GALNT13: variants seen among roughly 807,000 people sequenced by gnomAD.
The protein encoded by GALNT13 is UDP-GalNAc:polypeptide N-acetylgalactosaminyltransferase 13.
A neutral mutation model predicts 64.2 loss-of-function variants in GALNT13; 28 were observed. That is an observed-to-expected ratio of 0.44 (90% CI 0.32 to 0.60). GALNT13 has a LOEUF of 0.60. GALNT13 is among the 20% of genes least tolerant of loss of function. The probability of loss-of-function intolerance (pLI) is 0.05; values close to 1 mark genes in which losing one functional copy is unlikely to be tolerated. For synonymous variants in GALNT13, 214 were observed against 224.6 expected (o/e 0.95, Z 0.42); for missense variants, 577 against 669.8 (o/e 0.86, Z 1.53).
At chr2:153,572,635 T>A in the GALNT13 span, among the ~76,000 whole-genome samples, 68 of 152,112 alleles carry the variant, frequency 4.5e-4, no homozygotes, top group Non-Finnish European at 8.8e-5. Flanking sequence ...TTTTGGTATG[T>A]TGTGTGTCTA....
rs541843762 is a variant in GALNT13, at chr2:154,088,598, C to T, written c.143-51739C>T. Among the ~76,000 whole-genome samples the T allele has an allele frequency of 2.6e-5, 4 of 152,160 alleles. No individual in the cohort carries two copies. In the South Asian group the frequency reaches 8.3e-4, roughly 32 times the overall value. On this transcript the variant is annotated intron_variant, in intron 3 of 12. Transcript: ENST00000392825. ...TCCCAAGTAGTTGGGATTACAGGTG[C>T]CTGCCACCACACCCAGTTTATTTTT... is the stretch of plus-strand genomic sequence containing the variant.
At chr2:153,338,304 G>GA in the GALNT13 span, among the ~76,000 whole-genome samples, 1 of 150,488 alleles carries the variant, frequency 6.6e-6, no homozygotes, top group Non-Finnish European at 1.5e-5. Context: ...AAACATATAT[G>GA]AAAAAACAAA....
At chr2:153,506,758 G>A in the GALNT13 span, among the ~76,000 whole-genome samples, 9 of 151,828 alleles carry the variant, frequency 5.9e-5, no homozygotes, top group African/African-American at 1.7e-4. Context: ...CCTTTTGCCT[G>A]ACAGCTCTTA....
chr2:154,206,847 A>T (rs1211908792), intron 4 of GALNT13, among the ~76,000 whole-genome samples: 1 of 151,970 alleles, frequency 6.6e-6, no homozygotes, highest in Non-Finnish European at 1.5e-5. Flanking sequence ...GAATAAGTCT[A>T]AGGTCAAGAA....
rs1215658000 is a variant in GALNT13, at chr2:153,987,756, A to T, written c.142+43117A>T. 5.3e-5 allele frequency among the ~76,000 whole-genome samples: 8 copies of T among 151,940 alleles called. No homozygotes were observed. The East Asian group carries it at 1.6e-3, about 30-fold the overall frequency. ...TGGGCATGGCACTAGATAGGATGAT[A>T]ACTCACCCTGAGTTGGGAGATAATT... On this transcript the variant is annotated intron_variant, in intron 3 of 12. Transcript: ENST00000392825.
the GALNT13 span, among the ~76,000 whole-genome samples, chr2:153,575,391 A>G: frequency 1.1e-4 from 17 of 152,300 alleles, no homozygotes; most frequent in African/African-American, 3.8e-4. Flanking sequence ...ATGTTTGCTC[A>G]GGGCGTTGGA....
chr2:154,446,878 C>G, intron 12 of GALNT13: 10 of 1,066,454 alleles, frequency 9.4e-6, no homozygotes, highest in Non-Finnish European at 1.3e-5. Context: ...GACCTTTTCT[C>G]CATGGAGTTA....
At chr2:153,349,774 C>CGT in the GALNT13 span, among the ~76,000 whole-genome samples, 1 of 151,980 alleles carries the variant, frequency 6.6e-6, no homozygotes, top group African/African-American at 2.4e-5. Context: ...GGATGCAGGG[C>CGT]GTTTCTCTTT....
chr2:153,969,927 G>A (rs1251633121), intron 3 of GALNT13, among the ~76,000 whole-genome samples: 1 of 152,144 alleles, frequency 6.6e-6, no homozygotes, highest in Non-Finnish European at 1.5e-5. Context: ...ATTGCTGAAG[G>A]TGAGAGATTG....
the GALNT13 span, among the ~76,000 whole-genome samples, chr2:153,534,512 CTCTT>C: frequency 2.2e-5 from 3 of 136,650 alleles, no homozygotes; most frequent in East Asian, 2.0e-4. Flanking sequence ...AGTTAGGCCC[CTCTT>C]TCTTTCTTTC....
At chr2:154,029,188 CAA>C (rs10551254) in intron 3 of GALNT13, among the ~76,000 whole-genome samples, 31,335 of 134,244 alleles carry the variant, frequency 0.23, 4,145 homozygotes, top group Middle Eastern at 0.35. Context: ...TTTTGTAAAT[CAA>C]AAAAAAAAAA....
the GALNT13 span, among the ~76,000 whole-genome samples, chr2:153,075,931 C>T: frequency 2.6e-5 from 4 of 152,074 alleles, no homozygotes; most frequent in Admixed American, 2.6e-4. Flanking sequence ...GGAATCACTA[C>T]ATAGAAAAGA....
At chr2:153,851,428 A>G in the GALNT13 span, among the ~76,000 whole-genome samples, 1 of 152,020 alleles carries the variant, frequency 6.6e-6, no homozygotes, top group Non-Finnish European at 1.5e-5. Flanking sequence ...ATCAGATAGA[A>G]TTTTGCATTT....
chr2:154,242,579 A>G (rs908040686), intron 5 of GALNT13, 119 bp from the exon 6 acceptor site: 23 of 655,626 alleles, frequency 3.5e-5, no homozygotes, highest in Non-Finnish European at 5.3e-5. Flanking sequence ...CTAAGGCAGT[A>G]AATACTGATA....
the GALNT13 span, among the ~76,000 whole-genome samples, chr2:153,122,614 G>A: frequency 5.3e-5 from 8 of 152,310 alleles, no homozygotes; most frequent in South Asian, 1.2e-3. Flanking sequence ...TAGTGGACAA[G>A]GATAGCTGGT....
chr2:154,300,198 G>T (rs1693358818), intron 8 of GALNT13, among the ~76,000 whole-genome samples: 1 of 148,906 alleles, frequency 6.7e-6, no homozygotes, highest in Non-Finnish European at 1.5e-5. Flanking sequence ...TGCCTCCCGA[G>T]TTCAAGCGAT....
intron 4 of GALNT13, among the ~76,000 whole-genome samples, chr2:154,186,199 G>A (rs1686241128): frequency 6.6e-6 from 1 of 151,872 alleles, no homozygotes; most frequent in African/African-American, 2.4e-5. Context: ...ATGAATAGCA[G>A]CATTATTTTG....
At chr2:153,752,731 G>C in the GALNT13 span, among the ~76,000 whole-genome samples, 1 of 151,968 alleles carries the variant, frequency 6.6e-6, no homozygotes, top group South Asian at 2.1e-4. Flanking sequence ...AGTCTTCCTT[G>C]GGTGAAATCT....
At chr2:153,935,590 G>T (rs1484739995) in intron 2 of GALNT13, among the ~76,000 whole-genome samples, 1 of 152,138 alleles carries the variant, frequency 6.6e-6, no homozygotes, top group Non-Finnish European at 1.5e-5. Flanking sequence ...TGGGAGGAAG[G>T]GTATCTTTTT....
Sources: allele counts gnomAD v4.1 joint callset (sites outside exome capture counted in the v4.1 genomes callset), GRCh38; gene constraint gnomAD v4.1.1; transcripts MANE v1.5; gene names NCBI Gene and HGNC (gene_info 2026-07-23, HGNC 2026-07-21).